Variants in KCNH6 observed in about 807,000 individuals in gnomAD.
The protein encoded by KCNH6 is voltage-gated inwardly rectifying potassium channel KCNH6.
Under a neutral mutation model 83.4 loss-of-function variants are expected in KCNH6, and 81 were observed. That is an observed-to-expected ratio of 0.97 (90% CI 0.81 to 1.17). The LOEUF (loss-of-function observed/expected upper bound fraction) is 1.17, where lower values mean the gene tolerates loss of function less well. Among genes scored for constraint, KCNH6 ranks in the 50% most tolerant of loss-of-function variants. The pLI, the probability that KCNH6 is intolerant of heterozygous loss-of-function variation, is 0.00. For missense variants in KCNH6, 1,203 were observed against 1,290.5 expected, an observed-to-expected ratio of 0.93 and a Z score of 1.04; for synonymous variants, 503 against 545.6, an observed-to-expected ratio of 0.92 and a Z score of 1.09.
chr17:63,529,194 C>T (rs904566543), intron 2 of KCNH6, among the ~76,000 whole-genome samples: 9 of 152,214 alleles, frequency 5.9e-5, no homozygotes, highest in African/African-American at 2.2e-4. Flanking sequence ...CAGCCAGACC[C>T]TGGAGGGGCA....
At position 63,536,031 on chromosome 17, in the gene KCNH6, C is replaced by G. The variant is rs267604986; in HGVS notation, c.1464C>G (p.Ser488=). ...GFGNVSPNTN[S]EKVFSICVML... ...GCAATGTCTCGCCCAACACCAACTCCGAGAAGGTCTTCTCCATCTGCGTCA... is the reference window on the plus strand; with the variant it reads ...GCAATGTCTCGCCCAACACCAACTCGGAGAAGGTCTTCTCCATCTGCGTCA... Residue 488 remains serine (S), a synonymous_variant, in exon 6 of 13, where the codon TCC becomes TCG. Coordinates refer to ENST00000314672, the MANE Select transcript of KCNH6 (RefSeq NM_001278919.2). 1 of 1,613,694 alleles carries G rather than the reference C, an allele frequency of 6.2e-7. No homozygotes were observed. The highest frequency in any genetic ancestry group is 1.1e-5 in the South Asian group (1 of 91,086).
chr17:63,547,707 T>C (rs2147749199), downstream of KCNH6, among the ~76,000 whole-genome samples: 1 of 152,058 alleles, frequency 6.6e-6, no homozygotes, highest in East Asian at 1.9e-4. Flanking sequence ...CCCAACACTT[T>C]GGGAGGCTGA....
At position 63,534,979 on chromosome 17, in the gene KCNH6, T is replaced by A. The variant is rs2032386736; in HGVS notation, c.1101+668T>A. Reference sequence around the variant, plus strand: ...CCACCTGGACACTGAGTGGCCTTCGTACTCACTTGTGTCCCATCACCAAAC... The same window carrying A: ...CCACCTGGACACTGAGTGGCCTTCGAACTCACTTGTGTCCCATCACCAAAC... On this transcript the variant is annotated intron_variant, in intron 5 of 12. Transcript: ENST00000314672. The surrounding 1 kb of genome is among the most constrained non-coding windows in gnomAD (Gnocchi z 5.0). Among the ~76,000 whole-genome samples, 1 of 152,056 alleles carries A rather than the reference T, an allele frequency of 6.6e-6. No homozygotes were observed. Among genetic ancestry groups the A allele is most frequent in the South Asian group, 2.1e-4 (1 of 4,822 alleles).
Position 63,546,092 on chromosome 17 carries a change from T to G in KCNH6, c.*190T>G. The G allele has an allele frequency of 3.8e-6, 2 of 528,946 alleles. No homozygotes were observed. Among genetic ancestry groups the G allele is most frequent in the Non-Finnish European group, 6.7e-6 (2 of 299,050 alleles). 32.8% of individuals were successfully genotyped at this position (528,946 alleles called of 1,614,324 possible). Reference sequence around the variant, plus strand: ...TACTAAAATTAAAAAAGAAAAAAAATAGCCGGGCGTGGTGGCAGGCGCCTG... The same window carrying G: ...TACTAAAATTAAAAAAGAAAAAAAAGAGCCGGGCGTGGTGGCAGGCGCCTG... On this transcript the variant is annotated 3_prime_UTR_variant, in exon 13 of 13. Transcript: ENST00000314672.
At chr17:63,536,566 C>T (rs1343339660) in intron 6 of KCNH6, among the ~76,000 whole-genome samples, 1 of 151,972 alleles carries the variant, frequency 6.6e-6, no homozygotes, top group East Asian at 1.9e-4. Context: ...ATCAGTTGAA[C>T]CTGGGAGGTG....
chr17:63,534,178 A>T lies in KCNH6; in HGVS notation c.968A>T (p.Tyr323Phe), dbSNP rs778296107. The T allele has an allele frequency of 6.2e-7, 1 of 1,609,210 alleles. No homozygotes were observed. Among genetic ancestry groups the T allele is most frequent in the South Asian group, 1.1e-5 (1 of 90,952 alleles). ...VDIVINFRTT[Y>F]VNTNDEVVSH... ...ATCGTCATCAACTTCCGCACCACCT[A>T]TGTCAACACCAATGATGAGGTGGTC... is the stretch of plus-strand genomic sequence containing the variant. The change falls in exon 5 of 13, where the codon TAT becomes TTT. Residue 323 changes from tyrosine (Y) to phenylalanine (F), a missense_variant. Physicochemically the swap from Tyr to Phe is conservative, Grantham distance 22 (BLOSUM62 3). Transcript: ENST00000314672. The surrounding 1 kb of genome is among the most constrained non-coding windows in gnomAD (Gnocchi z 5.0).
intron 2 of KCNH6, 83 bp downstream of exon 2, chr17:63,524,452 C>G: frequency 5.8e-6 from 7 of 1,213,294 alleles, no homozygotes; most frequent in Non-Finnish European, 8.4e-6. Flanking sequence ...GGGGAAGGCA[C>G]TGACCCAGGG....
intron 11 of KCNH6, 124 bp downstream of exon 11, chr17:63,544,535 AT>A (rs1438106522): frequency 3.9e-6 from 3 of 763,978 alleles, no homozygotes; most frequent in Non-Finnish European, 5.8e-6. Context: ...AGGTCTCCCC[AT>A]ACCTGTCATT....
chr17:63,547,658 T>C (rs2033175049), downstream of KCNH6, among the ~76,000 whole-genome samples: 1 of 152,180 alleles, frequency 6.6e-6, no homozygotes, highest in Admixed American at 6.5e-5. Flanking sequence ...CACAAATATG[T>C]ATACAGGCTG....
intron 8 of KCNH6, among the ~76,000 whole-genome samples, chr17:63,540,877 A>G (rs2147716117): frequency 6.6e-6 from 1 of 152,300 alleles, no homozygotes; most frequent in African/African-American, 2.4e-5. Context: ...TGCTGATCAC[A>G]TGCTGTTTCT....
intron 1 of KCNH6, 123 bp from the exon 2 acceptor site, chr17:63,524,016 G>C (rs528047709): frequency 2.7e-6 from 2 of 738,290 alleles, no homozygotes; most frequent in Admixed American, 1.8e-5. Context: ...CCCTCATTCC[G>C]GTCACTGCCC....
chr17:63,545,132 G>T lies in KCNH6; in HGVS notation c.2451G>T (p.Lys817Asn), dbSNP rs1200903074. The change falls in exon 12 of 13, where the codon AAG becomes AAT. Residue 817 changes from lysine (K) to asparagine (N), a missense_variant. Transcript: ENST00000314672. ...DLSRILQLLQ[K>N]PMPQGHASYI... ...GCCGCATCTTGCAGCTCCTCCAGAA[G>T]CCCATGCCCCAGGGCCACGCCAGCT... The T allele has an allele frequency of 1.9e-6, 3 of 1,613,686 alleles. No homozygotes were observed. The African/African-American group carries it at 4.0e-5, about 22-fold the overall frequency.
rs2031477461 is a variant in KCNH6, at chr17:63,523,500, G to A, written c.76+11G>A. On this transcript the variant is annotated intron_variant, in intron 1 of 12. Transcript: ENST00000314672. The surrounding 1 kb of genome is among the most constrained non-coding windows in gnomAD (Gnocchi z 4.2). Reference sequence around the variant, plus strand: ...AGTTCGAGGGCCAAAGTGAGTGTGTGTATGTTGGGGCGGGGGGACGATCTG... The same window carrying A: ...AGTTCGAGGGCCAAAGTGAGTGTGTATATGTTGGGGCGGGGGGACGATCTG... 6.3e-7 allele frequency: 1 copy of A among 1,598,680 alleles called. No homozygotes were observed. The highest frequency in any genetic ancestry group is 8.5e-7 in the Non-Finnish European group (1 of 1,172,452).
chr17:63,536,245 A>G (rs1187869693), intron 6 of KCNH6, 177 bp downstream of exon 6: 5 of 620,562 alleles, frequency 8.1e-6, no homozygotes, highest in Non-Finnish European at 1.4e-5. Flanking sequence ...TGTATACAAT[A>G]TTTAACACCC....
chr17:63,539,554 A>G (rs1159573377), intron 8 of KCNH6, among the ~76,000 whole-genome samples: 1 of 152,136 alleles, frequency 6.6e-6, no homozygotes, highest in Non-Finnish European at 1.5e-5. Flanking sequence ...ATGTATCCCA[A>G]CCTGAAATCA....
chr17:63,528,466 T>G (rs2031863460), intron 2 of KCNH6, among the ~76,000 whole-genome samples: 2 of 152,116 alleles, frequency 1.3e-5, no homozygotes, highest in African/African-American at 4.8e-5. Context: ...GTGGCTCAGC[T>G]GCACCCCAGC....
At chr17:63,544,041 C>T (rs1412161749) in intron 10 of KCNH6, 1 of 1,582,814 alleles carries the variant, frequency 6.3e-7, no homozygotes, top group Non-Finnish European at 8.6e-7. Context: ...GCCCCAGTTC[C>T]CCTCTAAGGG....
chr17:63,526,436 G>A (rs2031720554), intron 2 of KCNH6, among the ~76,000 whole-genome samples: 1 of 147,634 alleles, frequency 6.8e-6, no homozygotes, highest in African/African-American at 2.5e-5. Flanking sequence ...CTGTCACGCA[G>A]GCTGGCAAGA....
intron 8 of KCNH6, among the ~76,000 whole-genome samples, chr17:63,540,937 A>T (rs1009991229): frequency 6.6e-6 from 1 of 152,000 alleles, no homozygotes; most frequent in African/African-American, 2.4e-5. Context: ...TTCTCTCGAC[A>T]CAGCCCCCAC....
Sources: gnomAD v4.1 joint callset for allele counts (sites outside exome capture counted in the v4.1 genomes callset) on GRCh38, gnomAD v4.1.1 for gene constraint, Gnocchi (gnomAD v3.1) non-coding constraint, MANE v1.5 for transcripts, NCBI Gene and HGNC (gene_info 2026-07-23, HGNC 2026-07-21) for gene names.